The following PALM2AKAP2 variants were observed in gnomAD, a reference collection of about 807,000 sequenced individuals.
PALM2AKAP2 encodes the protein PALM2 and AKAP2 fusion.
Under a neutral mutation model 71.5 loss-of-function variants are expected in PALM2AKAP2, and 37 were observed. The ratio of observed to expected loss-of-function variants is 0.52; its 90% CI spans 0.40 to 0.68. The LOEUF (loss-of-function observed/expected upper bound fraction) is 0.68, where lower values mean the gene tolerates loss of function less well. Ranked by LOEUF, PALM2AKAP2 falls within the 30% of genes least tolerant of loss-of-function variation. The probability of loss-of-function intolerance (pLI) is 0.00; values close to 1 mark genes in which losing one functional copy is unlikely to be tolerated. For missense variants in PALM2AKAP2, 1,224 were observed against 1,191.8 expected, an observed-to-expected ratio of 1.03 and a Z score of -0.40; for synonymous variants, 468 against 478.8, an observed-to-expected ratio of 0.98 and a Z score of 0.29.
intron 6 of PALM2AKAP2, among the ~76,000 whole-genome samples, chr9:110,000,065 G>C (rs1832653804): frequency 6.6e-6 from 1 of 150,858 alleles, no homozygotes; most frequent in African/African-American, 2.4e-5. Context: ...CAACATGCAG[G>C]TTTGTTACAT....
intron 2 of PALM2AKAP2, among the ~76,000 whole-genome samples, chr9:109,875,854 T>C (rs1829709204): frequency 1.3e-5 from 2 of 152,192 alleles, no homozygotes; most frequent in African/African-American, 2.4e-5. Flanking sequence ...CAGAAACAGA[T>C]TTACTTTGGG....
chr9:110,132,032 CGTGTGTGTGTGTGTGTGTGTGT>C (rs3063946), intron 1 of PALM2AKAP2, among the ~76,000 whole-genome samples: 1 of 147,426 alleles, frequency 6.8e-6, no homozygotes, highest in East Asian at 2.0e-4. Context: ...AAGTAACTAG[CGTGTGTGTGTGTGTGTGTGTGT>C]GTGTGTGTGT....
intron 1 of PALM2AKAP2, among the ~76,000 whole-genome samples, chr9:109,681,911 C>T (rs1469560750): frequency 6.6e-6 from 1 of 152,126 alleles, no homozygotes; most frequent in Non-Finnish European, 1.5e-5. Flanking sequence ...TTGCTCAAGG[C>T]ATTCAGGTGA....
intron 1 of PALM2AKAP2, among the ~76,000 whole-genome samples, chr9:110,087,445 C>G (rs999478087): frequency 1.3e-5 from 2 of 152,174 alleles, no homozygotes; most frequent in Non-Finnish European, 2.9e-5. Flanking sequence ...AGAGGTGGCT[C>G]TTCCCCAGTC....
chr9:110,011,591 G>A (rs1035239291), intron 6 of PALM2AKAP2, among the ~76,000 whole-genome samples: 2 of 152,188 alleles, frequency 1.3e-5, no homozygotes, highest in Non-Finnish European at 2.9e-5. Context: ...TTTTGGAAAA[G>A]GGAAGTGGCA....
At chr9:109,821,795 G>GACTCTGCCTCATGGGGAGCCCA (rs1409665611) in intron 1 of PALM2AKAP2, among the ~76,000 whole-genome samples, 3 of 152,138 alleles carry the variant, frequency 2.0e-5, no homozygotes, top group Non-Finnish European at 4.4e-5. Context: ...CCCTGGACGT[G>GACTCTGCCTCATGGGGAGCCCA]ACTCTGCCTC....
chr9:109,896,285 C>T (rs1649960732), intron 3 of PALM2AKAP2, among the ~76,000 whole-genome samples: 1 of 152,168 alleles, frequency 6.6e-6, no homozygotes, highest in African/African-American at 2.4e-5. Context: ...TCAATTACCT[C>T]CCCACCAGGT....
intron 1 of PALM2AKAP2, among the ~76,000 whole-genome samples, chr9:109,714,599 C>T (rs1390737036): frequency 1.3e-5 from 2 of 152,178 alleles, no homozygotes. Flanking sequence ...CAAGTCAAGA[C>T]AAGGACTTGG....
At chr9:110,054,880 G>A (rs776676876) in intron 1 of PALM2AKAP2, among the ~76,000 whole-genome samples, 2 of 152,228 alleles carry the variant, frequency 1.3e-5, no homozygotes, top group Non-Finnish European at 2.9e-5. Flanking sequence ...ACAGGCATGA[G>A]CCGCCATGTG....
intron 1 of PALM2AKAP2, among the ~76,000 whole-genome samples, chr9:110,090,904 C>T (rs1168405161): frequency 2.0e-5 from 3 of 151,872 alleles, no homozygotes; most frequent in Admixed American, 1.3e-4. Context: ...AGGCACGTAG[C>T]TGTTAAGCTG....
intron 6 of PALM2AKAP2, among the ~76,000 whole-genome samples, chr9:109,992,083 C>G (rs1297078722): frequency 6.6e-6 from 1 of 152,134 alleles, no homozygotes. Context: ...AATTTCTTCT[C>G]TCACAGTTCT....
intron 7 of PALM2AKAP2, among the ~76,000 whole-genome samples, chr9:110,021,444 T>C (rs1015997077): frequency 6.6e-6 from 1 of 152,236 alleles, no homozygotes; most frequent in Non-Finnish European, 1.5e-5. Flanking sequence ...TGGTAGTTTG[T>C]TATGGCAACC....
At position 109,670,825 on chromosome 9, in the gene PALM2AKAP2, G is replaced by A. The variant is rs565961844; in HGVS notation, c.5+29959G>A. 2.6e-5 allele frequency among the ~76,000 whole-genome samples: 4 copies of A among 152,286 alleles called. No homozygotes were observed. In the East Asian group the frequency reaches 5.8e-4, roughly 22 times the overall value. On this transcript the variant is annotated intron_variant, in intron 1 of 6. Coordinates refer to the PALM2AKAP2 transcript ENST00000374531. ...ATAATAGCCATTCTGAATGGTGTGA[G>A]ATGGTATCTCATTATGTTTTTGATT...
At chr9:109,806,839 G>A (rs1827588563) in intron 1 of PALM2AKAP2, among the ~76,000 whole-genome samples, 1 of 152,176 alleles carries the variant, frequency 6.6e-6, no homozygotes. Context: ...TATATACCGT[G>A]GTAAGGATGT....
intron 6 of PALM2AKAP2, among the ~76,000 whole-genome samples, chr9:110,011,213 A>G (rs900834568): frequency 1.4e-5 from 2 of 147,886 alleles, no homozygotes; most frequent in African/African-American, 2.5e-5. Context: ...GATAATATAT[A>G]TAGGATTTAT....
In PALM2AKAP2 at chr9:109,924,369, C is replaced by T. The variant is rs149968461; in HGVS notation, c.372+520C>T. Among the ~76,000 whole-genome samples, 412 of 152,028 alleles carry T rather than the reference C, an allele frequency of 2.7e-3. 6 individuals are homozygous for T. The East Asian group carries it at 0.029, about 11-fold the overall frequency. Reference sequence around the variant, plus strand: ...ATCCCAGCACTTTGGGAGGCCGGGGCGGGTGGATCACGAGGTCAGGAGATC... The same window carrying T: ...ATCCCAGCACTTTGGGAGGCCGGGGTGGGTGGATCACGAGGTCAGGAGATC... On this transcript the variant is annotated intron_variant, in intron 4 of 9. Coordinates refer to the PALM2AKAP2 transcript ENST00000302798.
intron 1 of PALM2AKAP2, among the ~76,000 whole-genome samples, chr9:110,118,011 A>G (rs865938093): frequency 8.8e-4 from 87 of 99,362 alleles, no homozygotes; most frequent in African/African-American, 1.3e-3. Context: ...GTGTGTGTGT[A>G]TGTAGTTCTA....
chr9:109,751,483 A>G (rs1481977569), intron 1 of PALM2AKAP2, among the ~76,000 whole-genome samples: 4 of 152,004 alleles, frequency 2.6e-5, no homozygotes, highest in Non-Finnish European at 5.9e-5. Context: ...TCTAGAGGGA[A>G]CTCCAGCCAT....
chr9:110,160,074 C>G (rs7032382), intron 3 of PALM2AKAP2, among the ~76,000 whole-genome samples: 1 of 152,070 alleles, frequency 6.6e-6, no homozygotes. Flanking sequence ...ACCATCCCCA[C>G]CCCTACCCAC....
Sources: gnomAD v4.1 joint callset for allele counts (sites outside exome capture counted in the v4.1 genomes callset) on GRCh38, gnomAD v4.1.1 for gene constraint, MANE v1.5 for transcripts, NCBI Gene and HGNC (gene_info 2026-07-23, HGNC 2026-07-21) for gene names.